ADGRV1: variants seen among roughly 807,000 people sequenced by gnomAD.
ADGRV1 encodes adhesion G protein-coupled receptor V1.
A neutral mutation model predicts 596.2 loss-of-function variants in ADGRV1; 359 were observed. The ratio of observed to expected loss-of-function variants is 0.60; its 90% CI spans 0.55 to 0.66. The LOEUF (loss-of-function observed/expected upper bound fraction) is 0.66. Among genes scored for constraint, ADGRV1 ranks in the 30% least tolerant of loss-of-function variants. The probability of loss-of-function intolerance (pLI) is 0.00; values close to 1 mark genes in which losing one functional copy is unlikely to be tolerated. For synonymous variants in ADGRV1, 2,681 were observed against 2,679.2 expected (o/e 1.00, Z -0.02); for missense variants, 7,274 against 7,575.6 (o/e 0.96, Z 1.48).
intron 31 of ADGRV1, among the ~76,000 whole-genome samples, chr5:90,692,284 C>T (rs898378211): frequency 5.3e-5 from 8 of 151,456 alleles, no homozygotes; most frequent in Admixed American, 1.3e-4. Context: ...AGTTATAGGA[C>T]GTAAAAGTAC....
chr5:90,952,172 C>T (rs1777114754), intron 83 of ADGRV1, among the ~76,000 whole-genome samples: 1 of 152,142 alleles, frequency 6.6e-6, no homozygotes, highest in Non-Finnish European at 1.5e-5. Flanking sequence ...TCACCACTGC[C>T]AAGATAGTGC....
At chr5:90,647,068 A>G (rs1454033886) in intron 16 of ADGRV1, among the ~76,000 whole-genome samples, 4 of 152,226 alleles carry the variant, frequency 2.6e-5, no homozygotes, top group East Asian at 1.9e-4. Flanking sequence ...CACTGCGCCC[A>G]GCCTGATTTG....
chr5:90,984,295 C>T (rs1297276298), intron 84 of ADGRV1, among the ~76,000 whole-genome samples: 1 of 152,068 alleles, frequency 6.6e-6, no homozygotes, highest in Non-Finnish European at 1.5e-5. Flanking sequence ...TTTATCCAGG[C>T]AATAAGTATT....
Position 90,949,695 on chromosome 5 carries a change from G to A in ADGRV1, c.17857-15720G>A, listed in dbSNP as rs182050923. ...TAACAGAGTGCCCTTGCACATAATG[G>A]CTAGATTTGGTTAGAGTCTAATGCA... On this transcript the variant is annotated intron_variant, in intron 83 of 89. Coordinates refer to ENST00000405460, the MANE Select transcript of ADGRV1 (RefSeq NM_032119.4). Among the ~76,000 whole-genome samples, 247 of 152,248 alleles carry A rather than the reference G, an allele frequency of 1.6e-3. 1 individual carries two copies. The highest frequency in any genetic ancestry group is 5.6e-3 in the African/African-American group (233 of 41,564).
At chr5:91,025,524 TTC>T (rs1248773713) in intron 85 of ADGRV1, among the ~76,000 whole-genome samples, 4 of 152,198 alleles carry the variant, frequency 2.6e-5, no homozygotes, top group African/African-American at 7.2e-5. Context: ...AGATCATTTT[TTC>T]TGTTTGTGAG....
At position 90,853,452 on chromosome 5, in the gene ADGRV1, A is replaced by G. The variant is rs775733300; in HGVS notation, c.17373A>G (p.Thr5791=). 1 of 1,613,282 alleles carries G rather than the reference A, an allele frequency of 6.2e-7. No homozygotes were observed. The highest frequency in any genetic ancestry group is 8.5e-7 in the Non-Finnish European group (1 of 1,179,430). The part of the protein sequence containing the change: ...QDAEIMAGKS[T]CKLVQFTEYS... ...CAGAAATAATGGCTGGGAAAAGTAC[A>G]TGTAAATTAGTCCAGTTTACAGAGT... is the stretch of plus-strand genomic sequence containing the variant. Residue 5791 remains threonine, a synonymous_variant, in exon 80 of 90, where the codon ACA becomes ACG. Coordinates refer to ENST00000405460, the MANE Select transcript of ADGRV1 (RefSeq NM_032119.4).
Position 90,675,273 on chromosome 5 carries a change from C to T in ADGRV1, c.5141C>T (p.Pro1714Leu), listed in dbSNP as rs1394162273. 6.2e-7 allele frequency: 1 copy of T among 1,613,678 alleles called. No individual in the cohort carries two copies. Among genetic ancestry groups the T allele is most frequent in the Non-Finnish European group, 8.5e-7 (1 of 1,179,820 alleles). The change falls in exon 24 of 90, where the codon CCT (proline) becomes CTT (leucine). Residue 1714 changes from proline to leucine, a missense_variant. By Grantham distance (98) the Pro-to-Leu change is moderately conservative. This residue lies in a region of ADGRV1 where 3,643 missense variants were observed against 3,809.2 expected (regional missense o/e 0.96). Transcript: ENST00000405460. ...CTGCAGTTCTCCACAGGGCTGCCTC[C>T]TCAGCCTAAGGACGCAATGACCCTG... ...GLLQFSTGLP[P>L]QPKDAMTLPA... is the part of the protein sequence containing the mutation.
chr5:91,071,990 T>A (rs1788431594), intron 85 of ADGRV1, among the ~76,000 whole-genome samples: 1 of 152,134 alleles, frequency 6.6e-6, no homozygotes, highest in African/African-American at 2.4e-5. Flanking sequence ...AATCCTTATT[T>A]TAAAGATGAG....
Position 90,810,950 on chromosome 5 carries a change from A to G in ADGRV1, c.15690A>G (p.Glu5230=), listed in dbSNP as rs1313793209. The G allele has an allele frequency of 1.9e-6, 3 of 1,614,030 alleles. No individual in the cohort carries two copies. Among genetic ancestry groups the G allele is most frequent in the Non-Finnish European group, 8.5e-7 (1 of 1,179,894 alleles). ...FSLGPSIVYI[E]EEMKNGTFNT... ...TTGGGCCATCCATTGTTTATATTGA[A>G]GAGGAGATGAAGAATGGCACATTCA... is the stretch of plus-strand genomic sequence containing the variant. Residue 5230 remains glutamate (E), a synonymous_variant, in exon 74 of 90, where the codon GAA becomes GAG. Transcript: ENST00000405460.
In ADGRV1 at chr5:90,751,294, G is replaced by A. The variant is rs939404906; in HGVS notation, c.11121+597G>A. Among the ~76,000 whole-genome samples the A allele has an allele frequency of 1.1e-4, 17 of 152,146 alleles. 1 individual carries two copies. On this transcript the variant is annotated intron_variant, in intron 53 of 89. Transcript: ENST00000405460. The stretch of plus-strand genomic sequence containing the variant: ...GGAGATGAGCTGGTCCTTAGGAGTT[G>A]TTCCCAGTTTAGAGCTAAGCTATTG...
At chr5:91,008,054 T>C (rs188454276) in intron 85 of ADGRV1, among the ~76,000 whole-genome samples, 3 of 152,352 alleles carry the variant, frequency 2.0e-5, no homozygotes, top group Admixed American at 2.0e-4. Context: ...CTTTCTTCTT[T>C]TCTAATGGCT....
intron 84 of ADGRV1, among the ~76,000 whole-genome samples, chr5:90,978,956 A>G (rs6871445): frequency 0.5 from 76,058 of 151,862 alleles, 20,641 homozygotes; most frequent in African/African-American, 0.71. Context: ...AAATTAATCC[A>G]TAGTTCACAA....
chr5:91,066,006 G>A (rs778096091), intron 85 of ADGRV1, among the ~76,000 whole-genome samples: 7 of 152,158 alleles, frequency 4.6e-5, no homozygotes, highest in African/African-American at 7.2e-5. Context: ...TTCAACACCC[G>A]AAGAGAGAGA....
At chr5:91,071,682 A>G (rs1788401142) in intron 85 of ADGRV1, among the ~76,000 whole-genome samples, 2 of 151,722 alleles carry the variant, frequency 1.3e-5, no homozygotes, top group African/African-American at 2.4e-5. Flanking sequence ...TTATTTTATT[A>G]ATTTTTTTTT....
rs770605848 is a variant in ADGRV1 at position 91,164,043 on chromosome 5, G to A, written c.*143G>A. ...TACAAACGTGATTGTTGTATTTGGA[G>A]TATAAATTACTGATTGTATGTGACC... On this transcript the variant is annotated 3_prime_UTR_variant, in exon 90 of 90. Transcript: ENST00000405460. 1.1e-5 allele frequency: 8 copies of A among 698,236 alleles called. No homozygotes were observed. Among genetic ancestry groups the A allele is most frequent in the Non-Finnish European group, 1.8e-5 (7 of 382,734 alleles). 43.3% of individuals were successfully genotyped at this position (698,236 alleles called of 1,614,324 possible). A position where few individuals can be genotyped will look rare whatever the true frequency, so the allele number is the denominator to read the frequency against.
intron 75 of ADGRV1, among the ~76,000 whole-genome samples, chr5:90,817,993 A>G (rs1201380254): frequency 2.0e-5 from 3 of 152,036 alleles, no homozygotes; most frequent in Non-Finnish European, 4.4e-5. Context: ...GAATCTGTAA[A>G]TTACCTTGGG....
At chr5:90,669,866 T>C (rs1772183319) in intron 21 of ADGRV1, among the ~76,000 whole-genome samples, 1 of 152,196 alleles carries the variant, frequency 6.6e-6, no homozygotes, top group South Asian at 2.1e-4. Flanking sequence ...CAATATATTA[T>C]CAATTGCATT....
At chr5:90,716,379 C>T in intron 42 of ADGRV1, 88 bp from the exon 43 acceptor site, 1 of 908,512 alleles carries the variant, frequency 1.1e-6, no homozygotes, top group South Asian at 2.5e-5. Flanking sequence ...AAGAGTTGGC[C>T]TAGTTTTCAA....
In ADGRV1 at chr5:91,102,242, T is replaced by C. The variant is rs1015832236; in HGVS notation, c.18334T>C (p.Phe6112Leu). 4.3e-6 allele frequency: 7 copies of C among 1,609,874 alleles called. No individual in the cohort carries two copies. The East Asian group carries it at 1.3e-4, about 31-fold the overall frequency. ...AGAAATTCCACTGATTTTATATCTC[T>C]TTGCTCTGATTTCCGTGACATGGCT... Reference protein sequence around the residue: ...AAEIPLILYLFALISVTWLWG... With the variant: ...AAEIPLILYLLALISVTWLWG... Residue 6112 changes from phenylalanine to leucine, a missense_variant, in exon 87 of 90, where the codon TTT becomes CTT. By Grantham distance (22) the Phe-to-Leu change is conservative. Transcript: ENST00000405460.
Sources: gnomAD v4.1 joint callset for allele counts (sites outside exome capture counted in the v4.1 genomes callset) on GRCh38, gnomAD v4.1.1 for gene constraint, gnomAD v4.1.1 regional missense constraint, MANE v1.5 for transcripts, NCBI Gene and HGNC (gene_info 2026-07-23, HGNC 2026-07-21) for gene names.